UNC13C: variants seen among roughly 807,000 people sequenced by gnomAD.
UNC13C encodes protein unc-13 homolog C.
Under a neutral mutation model 245.4 loss-of-function variants are expected in UNC13C, and 174 were observed. The ratio of observed to expected loss-of-function variants is 0.71; its 90% confidence interval spans 0.63 to 0.80. UNC13C has a LOEUF of 0.80. Ranked by LOEUF, UNC13C falls within the 30% of genes least tolerant of loss-of-function variation. UNC13C has a pLI of 0.00. For synonymous variants in UNC13C, 992 were observed against 895.1 expected, an observed-to-expected ratio of 1.11 and a Z score of -1.93; for missense variants, 2,829 against 2,602.9, an observed-to-expected ratio of 1.09 and a Z score of -1.89.
At position 54,333,787 on chromosome 15, in the gene UNC13C, T is replaced by C. The variant is rs1462922557; in HGVS notation, c.4515T>C (p.Asn1505=). ...SKYRENFPAS[N]TERLQDLKST... is the part of the protein sequence containing the mutation. ...ACCAGGAAAACTTTCCTGCAAGCAA[T>C]ACTGAAAGACTGCAAGACCTGAAAT... The change falls in exon 16 of 33, where the codon AAT becomes AAC. Residue 1505 remains asparagine, a synonymous_variant. Coordinates refer to ENST00000260323, the MANE Select transcript of UNC13C (RefSeq NM_001080534.3). 1.9e-6 allele frequency: 3 copies of C among 1,605,340 alleles called. No individual in the cohort carries two copies. Among genetic ancestry groups the C allele is most frequent in the East Asian group, 4.5e-5 (2 of 44,620 alleles).
chr15:54,106,805 G>C (rs959244638), intron 2 of UNC13C, among the ~76,000 whole-genome samples: 1 of 152,182 alleles, frequency 6.6e-6, no homozygotes, highest in African/African-American at 2.4e-5. Context: ...CTAGACAATA[G>C]TGAACACTGA....
chr15:54,452,509 G>A (rs1177575601), intron 19 of UNC13C, among the ~76,000 whole-genome samples: 2 of 152,164 alleles, frequency 1.3e-5, no homozygotes, highest in Non-Finnish European at 2.9e-5. Flanking sequence ...GCTGCTGAGA[G>A]GAATGTTTAG....
rs76186955 is a variant in UNC13C at position 54,357,089 on chromosome 15, T to C, written c.4713+18600T>C. Among the ~76,000 whole-genome samples the C allele has an allele frequency of 2.9e-3, 435 of 152,204 alleles. 2 individuals are homozygous for C. Among genetic ancestry groups the C allele is most frequent in the African/African-American group, 0.01 (420 of 41,582 alleles). ...GTTAATTGTATCAGTTTACAGCTTATAGGTTTTATGTTATGTTGTAAACTA... is the reference window on the plus strand; with the variant it reads ...GTTAATTGTATCAGTTTACAGCTTACAGGTTTTATGTTATGTTGTAAACTA... On this transcript the variant is annotated intron_variant, in intron 17 of 32. Coordinates refer to ENST00000260323, the MANE Select transcript of UNC13C (RefSeq NM_001080534.3).
At chr15:54,203,764 A>G (rs943111385) in intron 4 of UNC13C, among the ~76,000 whole-genome samples, 24 of 116,362 alleles carry the variant, frequency 2.1e-4, no homozygotes, top group Admixed American at 2.0e-3. Flanking sequence ...ACACATATAT[A>G]TGTATATATA....
the UNC13C span, among the ~76,000 whole-genome samples, chr15:53,967,289 C>T: frequency 1.3e-5 from 2 of 151,098 alleles, no homozygotes; most frequent in Non-Finnish European, 2.9e-5. Context: ...TTGCTACTTA[C>T]TTTTTTATAA....
chr15:53,887,338 A>G, the UNC13C span, among the ~76,000 whole-genome samples: 1 of 152,116 alleles, frequency 6.6e-6, no homozygotes, highest in African/African-American at 2.4e-5. Context: ...TATTCTTTTT[A>G]TTCTAAGGTA....
At chr15:53,911,007 T>A in the UNC13C span, 1 of 152,264 alleles carries the variant, frequency 6.6e-6, no homozygotes, top group Non-Finnish European at 1.5e-5. Flanking sequence ...GCTGCTTGGA[T>A]GAGCCCCAGT....
chr15:54,156,183 G>A (rs191287719), intron 4 of UNC13C, among the ~76,000 whole-genome samples: 188 of 152,240 alleles, frequency 1.2e-3, no homozygotes, highest in African/African-American at 4.5e-3. Flanking sequence ...ATCTGCCAAA[G>A]TCTTAATTTT....
chr15:53,992,362 G>T (rs998659682), intron 1 of UNC13C, among the ~76,000 whole-genome samples: 1 of 152,026 alleles, frequency 6.6e-6, no homozygotes, highest in East Asian at 1.9e-4. Flanking sequence ...GCTGGAGAAT[G>T]CTATGACTTT....
chr15:54,158,724 A>G (rs2032854468), intron 4 of UNC13C, among the ~76,000 whole-genome samples: 1 of 151,910 alleles, frequency 6.6e-6, no homozygotes, highest in Non-Finnish European at 1.5e-5. Context: ...ATCATGGTTC[A>G]CTGCAGCTTC....
chr15:54,533,074 T>C lies in UNC13C; in HGVS notation c.5696+8T>C. 6.3e-7 allele frequency: 1 copy of C among 1,580,698 alleles called. No individual in the cohort carries two copies. On this transcript the variant is annotated splice_region_variant and intron_variant, in intron 26 of 32. Transcript: ENST00000260323. The stretch of plus-strand genomic sequence containing the variant: ...GGATTTTTTGGACAAAACGTAAGTT[T>C]TTTTGCCCAGTTTTCTCTTTACTTA...
intron 2 of UNC13C, among the ~76,000 whole-genome samples, chr15:54,025,955 CT>C (rs779629381): frequency 6.7e-4 from 102 of 152,232 alleles, no homozygotes; most frequent in Non-Finnish European, 1.2e-3. Flanking sequence ...CTTTTAATGC[CT>C]TTTCTGATGC....
chr15:53,867,564 A>G, the UNC13C span, among the ~76,000 whole-genome samples: 1 of 152,262 alleles, frequency 6.6e-6, no homozygotes, highest in African/African-American at 2.4e-5. Flanking sequence ...TTCTGGTGAG[A>G]AAAGACTTTG....
chr15:53,839,524 A>T, the UNC13C span, among the ~76,000 whole-genome samples: 1 of 152,082 alleles, frequency 6.6e-6, no homozygotes, highest in African/African-American at 2.4e-5. Context: ...TAGCTTTACT[A>T]ATTTTCATCA....
chr15:54,246,413 G>GTTTTT (rs11383240), intron 7 of UNC13C, among the ~76,000 whole-genome samples: 3 of 144,860 alleles, frequency 2.1e-5, no homozygotes, highest in Non-Finnish European at 3.0e-5. Flanking sequence ...TGAAAATAAT[G>GTTTTT]TTTTTTTTTT....
chr15:53,887,665 T>G, the UNC13C span, among the ~76,000 whole-genome samples: 303 of 148,216 alleles, frequency 2.0e-3, no homozygotes, highest in Non-Finnish European at 3.5e-3. Context: ...TGCTACACCC[T>G]TCAACCCACA....
intron 4 of UNC13C, among the ~76,000 whole-genome samples, chr15:54,174,403 A>T (rs1234120173): frequency 1.3e-5 from 2 of 152,058 alleles, no homozygotes; most frequent in African/African-American, 4.8e-5. Flanking sequence ...ATCAACTTTC[A>T]TTTATTTGTG....
At chr15:54,030,985 C>T (rs1896334258) in intron 2 of UNC13C, among the ~76,000 whole-genome samples, 1 of 152,000 alleles carries the variant, frequency 6.6e-6, no homozygotes, top group African/African-American at 2.4e-5. Context: ...TAGTACACCT[C>T]TTTTTCCAGT....
At chr15:54,552,439 ATTACAATAT>A (rs1896791102) in intron 28 of UNC13C, among the ~76,000 whole-genome samples, 2 of 3,422 alleles carry the variant, frequency 5.8e-4, no homozygotes, top group Non-Finnish European at 8.0e-4. Context: ...ATAATTATAT[ATTACAATAT>A]ATAATATAAT....
Sources: gnomAD v4.1 joint callset for allele counts (sites outside exome capture counted in the v4.1 genomes callset) on GRCh38, gnomAD v4.1.1 for gene constraint, MANE v1.5 for transcripts, NCBI Gene and HGNC (gene_info 2026-07-23, HGNC 2026-07-21) for gene names.